Variants in HS6ST3 observed in about 807,000 individuals in gnomAD.
HS6ST3 encodes heparan sulfate 6-O-sulfotransferase 3.
Under a neutral mutation model 36.7 loss-of-function variants are expected in HS6ST3, and 12 were observed. The observed-to-expected ratio is 0.33, with a 90% CI of 0.21 to 0.53. HS6ST3 has a LOEUF of 0.53. Among genes scored for constraint, HS6ST3 ranks in the 20% least tolerant of loss-of-function variants. HS6ST3 has a pLI of 0.95. For missense variants in HS6ST3, 584 were observed against 640.9 expected (o/e 0.91, Z 0.96); for synonymous variants, 240 against 257.5 (o/e 0.93, Z 0.65).
chr13:96,694,942 A>G lies in HS6ST3; in HGVS notation c.708-137548A>G, dbSNP rs566493363. ...GATTTTTACAGCGACATAGACAACT[A>G]GAAACTCGGTCAAAACTGTCTTTAA... is the stretch of plus-strand genomic sequence containing the variant. On this transcript the variant is annotated intron_variant, in intron 1 of 1. Transcript: ENST00000376705. Among the ~76,000 whole-genome samples the G allele has an allele frequency of 3.3e-5, 5 of 152,316 alleles. No homozygotes were observed. The East Asian group carries it at 5.8e-4, about 18-fold the overall frequency.
chr13:96,776,108 T>A (rs61968187), intron 1 of HS6ST3, among the ~76,000 whole-genome samples: 13,221 of 151,924 alleles, frequency 0.087, 678 homozygotes, highest in East Asian at 0.25. Context: ...AATAACGAAA[T>A]GAAGGCAGAA....
chr13:96,165,426 G>C (rs2054155755), intron 1 of HS6ST3, among the ~76,000 whole-genome samples: 1 of 152,200 alleles, frequency 6.6e-6, no homozygotes, highest in South Asian at 2.1e-4. Context: ...AGGCTTCTAG[G>C]AGACAACTGG....
chr13:96,206,808 G>C lies in HS6ST3; in HGVS notation c.707+115239G>C, dbSNP rs183482288. Among the ~76,000 whole-genome samples the C allele has an allele frequency of 3.2e-3, 481 of 152,032 alleles. 1 individual carries two copies. Among genetic ancestry groups the C allele is most frequent in the Non-Finnish European group, 5.1e-3 (344 of 67,908 alleles). The stretch of plus-strand genomic sequence containing the variant: ...CCTTACAACATGTACAAAAATTAAT[G>C]TAAGATGGATTAAAGACTTAAATAT... On this transcript the variant is annotated intron_variant, in intron 1 of 1. Coordinates refer to ENST00000376705, the MANE Select transcript of HS6ST3 (RefSeq NM_153456.4).
chr13:96,309,118 T>C (rs1226183947), intron 1 of HS6ST3, among the ~76,000 whole-genome samples: 2 of 152,164 alleles, frequency 1.3e-5, no homozygotes, highest in Non-Finnish European at 2.9e-5. Context: ...TATTCTAATA[T>C]TGTTATAGGT....
intron 1 of HS6ST3, among the ~76,000 whole-genome samples, chr13:96,117,048 G>T (rs1417547462): frequency 6.6e-6 from 1 of 152,164 alleles, no homozygotes; most frequent in Non-Finnish European, 1.5e-5. Context: ...TCTGTAAAAT[G>T]AGATAAATAA....
chr13:96,483,024 G>A (rs1377329557), intron 1 of HS6ST3, among the ~76,000 whole-genome samples: 5 of 152,318 alleles, frequency 3.3e-5, no homozygotes, highest in Admixed American at 2.0e-4. Context: ...ACTAGGTGCT[G>A]AGGATAAATA....
At chr13:96,282,007 T>C (rs1034964500) in intron 1 of HS6ST3, among the ~76,000 whole-genome samples, 5 of 152,236 alleles carry the variant, frequency 3.3e-5, no homozygotes, top group African/African-American at 1.2e-4. Context: ...ATGTGAATTC[T>C]CTGAATTTTA....
rs146403850 is a variant in HS6ST3, at chr13:96,091,423, C to T, written c.561C>T (p.His187=). The T allele has an allele frequency of 6.8e-6, 11 of 1,612,770 alleles. No individual in the cohort carries two copies. The Admixed American group carries it at 8.3e-5, about 12-fold the overall frequency. ...CGGGTCAGAAGAAGTGCACCTGCCA[C>T]CGGCCTGGCAAGAAGGAGACGTGGC... ...CKAGQKKCTC[H]RPGKKETWLF... is the part of the protein sequence containing the mutation. Residue 187 remains histidine (H), a synonymous_variant, in exon 1 of 2, where the codon CAC becomes CAT. Transcript: ENST00000376705.
chr13:96,813,638 C>T (rs1052598295), intron 1 of HS6ST3, among the ~76,000 whole-genome samples: 3 of 152,198 alleles, frequency 2.0e-5, no homozygotes, highest in African/African-American at 7.2e-5. Flanking sequence ...GTCTACTGGC[C>T]TTATCTTCAC....
chr13:96,728,892 A>G (rs559720809), intron 1 of HS6ST3, among the ~76,000 whole-genome samples: 6 of 152,316 alleles, frequency 3.9e-5, no homozygotes, highest in Admixed American at 3.3e-4. Context: ...TCCTTCATTC[A>G]GTGTAGGTTG....
At chr13:96,402,561 G>A (rs78489494) in intron 1 of HS6ST3, among the ~76,000 whole-genome samples, 305 of 152,196 alleles carry the variant, frequency 2.0e-3, no homozygotes, top group African/African-American at 6.9e-3. Flanking sequence ...TAAGTTCCTC[G>A]TGCCTCTTTG....
At chr13:96,536,537 A>G (rs564091162) in intron 1 of HS6ST3, among the ~76,000 whole-genome samples, 3 of 152,358 alleles carry the variant, frequency 2.0e-5, no homozygotes, top group African/African-American at 7.2e-5. Context: ...GGGCAGTTTT[A>G]GCTGGGAGCG....
At chr13:96,285,620 G>A (rs9516656) in intron 1 of HS6ST3, among the ~76,000 whole-genome samples, 14 of 152,140 alleles carry the variant, frequency 9.2e-5, no homozygotes, top group African/African-American at 3.4e-4. Context: ...TTTGGTAGGC[G>A]TGCTGTGGAC....
chr13:96,380,037 G>T (rs1190006349), intron 1 of HS6ST3, among the ~76,000 whole-genome samples: 2 of 152,112 alleles, frequency 1.3e-5, no homozygotes, highest in African/African-American at 4.8e-5. Context: ...AGAAAGGCTG[G>T]ATTCAACCTT....
At chr13:96,668,416 C>G (rs1222024127) in intron 1 of HS6ST3, among the ~76,000 whole-genome samples, 1 of 152,142 alleles carries the variant, frequency 6.6e-6, no homozygotes, top group Non-Finnish European at 1.5e-5. Context: ...TAAAGTAATG[C>G]CTGTCTGATG....
At chr13:96,262,647 A>C (rs920029370) in intron 1 of HS6ST3, among the ~76,000 whole-genome samples, 2 of 152,224 alleles carry the variant, frequency 1.3e-5, no homozygotes, top group African/African-American at 2.4e-5. Context: ...AGCAGAAATT[A>C]GTCCTTATTC....
At chr13:96,478,012 A>G (rs1319110531) in intron 1 of HS6ST3, among the ~76,000 whole-genome samples, 1 of 152,220 alleles carries the variant, frequency 6.6e-6, no homozygotes, top group Non-Finnish European at 1.5e-5. Flanking sequence ...AAAACAAAGT[A>G]TCAAGAAGAG....
intron 1 of HS6ST3, among the ~76,000 whole-genome samples, chr13:96,611,481 T>C (rs1421128661): frequency 7.2e-5 from 11 of 152,290 alleles, no homozygotes; most frequent in Non-Finnish European, 1.5e-4. Flanking sequence ...ATCCTACTGA[T>C]AGAAACAAGA....
At chr13:96,549,988 A>G (rs2056213399) in intron 1 of HS6ST3, among the ~76,000 whole-genome samples, 1 of 152,120 alleles carries the variant, frequency 6.6e-6, no homozygotes, top group Non-Finnish European at 1.5e-5. Flanking sequence ...CTCTATTTCC[A>G]CATTTGCCTT....
Sources: gnomAD v4.1 joint callset for allele counts (sites outside exome capture counted in the v4.1 genomes callset) on GRCh38, gnomAD v4.1.1 for gene constraint, MANE v1.5 for transcripts, NCBI Gene and HGNC (gene_info 2026-07-23, HGNC 2026-07-21) for gene names.